The following GNPDA1 variants were observed in gnomAD, a reference collection of about 807,000 sequenced individuals.
The protein encoded by GNPDA1 is glucosamine-6-phosphate deaminase 1, also known as GNPDA 1.
Under a neutral mutation model 28.5 loss-of-function variants are expected in GNPDA1, and 24 were observed. The ratio of observed to expected loss-of-function variants is 0.84; its 90% CI spans 0.61 to 1.19. The LOEUF (loss-of-function observed/expected upper bound fraction) is 1.19. Ranked by LOEUF, GNPDA1 falls within the 50% of genes most tolerant of loss-of-function variation. The probability of loss-of-function intolerance (pLI) is 0.00; values close to 1 mark genes in which losing one functional copy is unlikely to be tolerated. For missense variants in GNPDA1, 264 were observed against 367.3 expected (o/e 0.72, Z 2.30); for synonymous variants, 147 against 139.3 (o/e 1.06, Z -0.39).
chr5:142,007,977 AG>A (rs1755850325), intron 2 of GNPDA1, 77 bp from the exon 3 acceptor site: 1 of 790,370 alleles, frequency 1.3e-6, no homozygotes, highest in Non-Finnish European at 2.2e-6. Context: ...GGAATAAGTC[AG>A]GGCTGCTCAC....
At chr5:142,012,126 T>G in intron 1 of GNPDA1, 85 bp from the exon 2 acceptor site, 1 of 1,349,406 alleles carries the variant, frequency 7.4e-7, no homozygotes, top group Non-Finnish European at 1.0e-6. Context: ...AAGCTTCTCT[T>G]ACCCAGCAAC....
At chr5:142,011,844 T>A in intron 2 of GNPDA1, 68 bp downstream of exon 2, 1 of 1,573,870 alleles carries the variant, frequency 6.4e-7, no homozygotes, top group Non-Finnish European at 8.7e-7. Context: ...AGTGAGCCGG[T>A]GTACCTGGCC....
chr5:142,002,486 C>A (rs1444207387), intron 6 of GNPDA1, among the ~76,000 whole-genome samples: 1 of 152,198 alleles, frequency 6.6e-6, no homozygotes, highest in Non-Finnish European at 1.5e-5. Flanking sequence ...GGCATCGTGG[C>A]TCACACCTAT....
chr5:142,012,118 G>C, intron 1 of GNPDA1, 77 bp from the exon 2 acceptor site: 1 of 1,424,618 alleles, frequency 7.0e-7, no homozygotes, highest in Non-Finnish European at 9.6e-7. Flanking sequence ...GGTGGGAGAA[G>C]CTTCTCTTAC....
chr5:142,007,098 G>C (rs895984700), intron 3 of GNPDA1, among the ~76,000 whole-genome samples: 2 of 152,164 alleles, frequency 1.3e-5, no homozygotes, highest in African/African-American at 4.8e-5. Context: ...AGAAGTTGTT[G>C]TTTCACGGGT....
chr5:142,007,618 C>T (rs1755839354), intron 3 of GNPDA1, among the ~76,000 whole-genome samples, 181 bp downstream of exon 3: 1 of 152,096 alleles, frequency 6.6e-6, no homozygotes, highest in African/African-American at 2.4e-5. Flanking sequence ...ATGCTTACAA[C>T]CTGTGAGGTC....
intron 2 of GNPDA1, among the ~76,000 whole-genome samples, chr5:142,010,685 T>C (rs1284657783): frequency 6.6e-6 from 1 of 151,216 alleles, no homozygotes; most frequent in African/African-American, 2.4e-5. Flanking sequence ...AGCTAATTTT[T>C]CTATTTTTTG....
chr5:142,012,719 G>A, intron 1 of GNPDA1: 1 of 979,462 alleles, frequency 1.0e-6, no homozygotes, highest in East Asian at 1.1e-4. Context: ...AGCACAAAAG[G>A]GAAAAGGTAA....
chr5:142,007,906 A>C lies in GNPDA1; in HGVS notation c.125-6T>G. 6.4e-7 allele frequency: 1 copy of C among 1,557,144 alleles called. No homozygotes were observed. The highest frequency in any genetic ancestry group is 8.9e-7 in the Non-Finnish European group (1 of 1,128,032). Reference sequence around the variant, plus strand: ...GCAGCCAAGTGGGGTACTCCCTGCAAGAGTGGCCACACCCATGAACACCCC... The same window carrying C: ...GCAGCCAAGTGGGGTACTCCCTGCACGAGTGGCCACACCCATGAACACCCC... On this transcript the variant is annotated splice_polypyrimidine_tract_variant and splice_region_variant and intron_variant, in intron 2 of 6. Coordinates refer to ENST00000311337, the MANE Select transcript of GNPDA1 (RefSeq NM_005471.5).
intron 3 of GNPDA1, among the ~76,000 whole-genome samples, chr5:142,007,190 T>C (rs950421888): frequency 6.6e-6 from 1 of 152,220 alleles, no homozygotes; most frequent in Non-Finnish European, 1.5e-5. Context: ...ACTACTGAAC[T>C]ATACACAGAA....
chr5:142,006,329 G>A lies in GNPDA1; in HGVS notation c.227-3C>T. ...CTCCGGGTGGTCTCGAGGAAGGCCT[G>A]TGGGGCCGTGAGACACTCGGTTATG... On this transcript the variant is annotated splice_region_variant and splice_polypyrimidine_tract_variant and intron_variant, in intron 3 of 6. Transcript: ENST00000311337. 6.2e-7 allele frequency: 1 copy of A among 1,610,276 alleles called. No homozygotes were observed.
At chr5:142,002,515 G>A (rs959761848) in intron 6 of GNPDA1, among the ~76,000 whole-genome samples, 4 of 152,192 alleles carry the variant, frequency 2.6e-5, no homozygotes, top group Non-Finnish European at 4.4e-5. Flanking sequence ...CACTTTGGGA[G>A]GCCGAGGTGG....
rs2127099455 is a variant in GNPDA1, at chr5:142,011,936, A to G, written c.100T>C (p.Tyr34His). 3 of 1,614,000 alleles carry G rather than the reference A, an allele frequency of 1.9e-6. No homozygotes were observed. The highest frequency in any genetic ancestry group is 2.5e-6 in the Non-Finnish European group (3 of 1,179,904). ...CCAGTGGGGAGCCCCAGGGTGAAGT[A>G]CTTCTCTGGCCCTGGGTTAAACTGG... is the stretch of plus-strand genomic sequence containing the variant. ...IIQFNPGPEKYFTLGLPTGST... is the reference protein window; with the variant it reads ...IIQFNPGPEKHFTLGLPTGST... Residue 34 changes from tyrosine to histidine, a missense_variant, in exon 2 of 7, where the codon TAC (tyrosine) becomes CAC (histidine). Transcript: ENST00000311337.
Position 142,003,718 on chromosome 5 carries a change from A to G in GNPDA1, c.595-456T>C, listed in dbSNP as rs1204420760. On this transcript the variant is annotated intron_variant, in intron 5 of 6. Coordinates refer to ENST00000311337, the MANE Select transcript of GNPDA1 (RefSeq NM_005471.5). The surrounding 1 kb of genome is among the most constrained non-coding windows in gnomAD (Gnocchi z 4.0). ...GTGGGAGTTATCTGTGGGGCCTCTA[A>G]GGCTGAATCCCAGAAAGGTTGCCCC... is the stretch of plus-strand genomic sequence containing the variant. 6.6e-6 allele frequency among the ~76,000 whole-genome samples: 1 copy of G among 152,216 alleles called. No individual in the cohort carries two copies. The highest frequency in any genetic ancestry group is 1.5e-5 in the Non-Finnish European group (1 of 68,024).
In GNPDA1 at chr5:142,011,965, A is replaced by G; in HGVS notation, c.71T>C (p.Ile24Thr). 1 of 1,613,908 alleles carries G rather than the reference A, an allele frequency of 6.2e-7. No homozygotes were observed. Among genetic ancestry groups the G allele is most frequent in the Admixed American group, 1.7e-5 (1 of 60,026 alleles). ...CTCTGGCCCTGGGTTAAACTGGATGATGCGGTTCCTGATGTATTTAGCCGC... is the reference window on the plus strand; with the variant it reads ...CTCTGGCCCTGGGTTAAACTGGATGGTGCGGTTCCTGATGTATTTAGCCGC... ...EWAAKYIRNRIIQFNPGPEKY... is the reference protein window; with the variant it reads ...EWAAKYIRNRTIQFNPGPEKY... The change falls in exon 2 of 7, where the codon ATC becomes ACC. Residue 24 changes from isoleucine to threonine, a missense_variant. Coordinates refer to ENST00000311337, the MANE Select transcript of GNPDA1 (RefSeq NM_005471.5).
intron 6 of GNPDA1, among the ~76,000 whole-genome samples, chr5:142,002,633 A>G (rs1755703204): frequency 6.6e-6 from 1 of 152,092 alleles, no homozygotes; most frequent in Non-Finnish European, 1.5e-5. Context: ...GGCACCTGTA[A>G]TCCCAGCTAC....
intron 2 of GNPDA1, among the ~76,000 whole-genome samples, chr5:142,011,187 A>G (rs555905945): frequency 1.3e-5 from 2 of 151,034 alleles, no homozygotes; most frequent in East Asian, 3.9e-4. Flanking sequence ...AGTCTAACAT[A>G]TTTACTACTG....
intron 2 of GNPDA1, 58 bp from the exon 3 acceptor site, chr5:142,007,958 G>A (rs1755849742): frequency 1.1e-6 from 1 of 914,014 alleles, no homozygotes; most frequent in Non-Finnish European, 1.8e-6. Context: ...GAAGCCCAGA[G>A]GGTTCACAGG....
chr5:142,009,374 C>G (rs1314494010), intron 2 of GNPDA1, among the ~76,000 whole-genome samples: 1 of 152,136 alleles, frequency 6.6e-6, no homozygotes. Flanking sequence ...CTGCACAGCC[C>G]CACCCCTGCC....
Sources: allele counts gnomAD v4.1 joint callset (sites outside exome capture counted in the v4.1 genomes callset), GRCh38; gene constraint gnomAD v4.1.1; non-coding constraint Gnocchi (gnomAD v3.1); transcripts MANE v1.5; gene names NCBI Gene and HGNC (gene_info 2026-07-23, HGNC 2026-07-21).